Variants in FERMT1 observed in about 807,000 individuals in gnomAD.
The protein encoded by FERMT1 is FERM domain containing kindlin 1, also known as fermitin family homolog 1.
A neutral mutation model predicts 85.3 loss-of-function variants in FERMT1; 60 were observed. The observed-to-expected ratio is 0.70, with a 90% CI of 0.57 to 0.87. FERMT1 has a LOEUF of 0.87. Ranked by LOEUF, FERMT1 falls within the 40% of genes least tolerant of loss-of-function variation. The pLI, the probability that FERMT1 is intolerant of heterozygous loss-of-function variation, is 0.00. For synonymous variants in FERMT1, 275 were observed against 301.1 expected (o/e 0.91, Z 0.90); for missense variants, 701 against 818.9 (o/e 0.86, Z 1.76).
chr20:6,090,934 C>T lies in FERMT1; in HGVS notation c.1140-1845G>A, dbSNP rs529523097. The stretch of plus-strand genomic sequence containing the variant: ...ATCCCAGCACTTTGGGAGGCCGAGG[C>T]AGGCTGATCACTTGAGCTCAGGAGT... On this transcript the variant is annotated intron_variant, in intron 9 of 14. Coordinates refer to ENST00000217289, the MANE Select transcript of FERMT1 (RefSeq NM_017671.5). Among the ~76,000 whole-genome samples the T allele has an allele frequency of 1.9e-4, 29 of 152,002 alleles. No homozygotes were observed. The East Asian group carries it at 5.3e-3, about 28-fold the overall frequency.
chr20:6,115,852 G>A lies in FERMT1; in HGVS notation c.344C>T (p.Ala115Val). 6.2e-7 allele frequency: 1 copy of A among 1,614,152 alleles called. No individual in the cohort carries two copies. Among genetic ancestry groups the A allele is most frequent in the Non-Finnish European group, 8.5e-7 (1 of 1,180,038 alleles). ...ATCACTGACAGCTTTAAAAACCACA[G>A]CTGAGAAGCTGACTCGCAACCTCAC... ...KMVRLRVSFS[A>V]VVFKAVSDIC... The change falls in exon 3 of 15, where the codon GCT becomes GTT. Residue 115 changes from alanine to valine, a missense_variant. Ala to Val is a moderately conservative substitution (Grantham distance 64). Coordinates refer to ENST00000217289, the MANE Select transcript of FERMT1 (RefSeq NM_017671.5).
intron 4 of FERMT1, 65 bp downstream of exon 4, chr20:6,112,412 A>G: frequency 6.7e-7 from 1 of 1,483,372 alleles, no homozygotes; most frequent in African/African-American, 1.4e-5. Context: ...GTGGGAGGAG[A>G]GATATATTTC....
intron 6 of FERMT1, among the ~76,000 whole-genome samples, 169 bp from the exon 7 acceptor site, chr20:6,097,800 A>T (rs201045942): frequency 2.7e-5 from 4 of 148,730 alleles, no homozygotes; most frequent in African/African-American, 7.4e-5. Context: ...CTTTTTTTTT[A>T]AAGTTTTTTT....
At position 6,104,656 on chromosome 20, in the gene FERMT1, A is replaced by G. The variant is rs1982751629; in HGVS notation, c.849+2876T>C. Among the ~76,000 whole-genome samples, 1 of 152,186 alleles carries G rather than the reference A, an allele frequency of 6.6e-6. No homozygotes were observed. The highest frequency in any genetic ancestry group is 2.4e-5 in the African/African-American group (1 of 41,446). ...CGGTTTCACTTTTTAGGCTATGAAG[A>G]GGGAGCTCCTCACCAATTAAGCGGG... On this transcript the variant is annotated intron_variant, in intron 6 of 14. Coordinates refer to ENST00000217289, the MANE Select transcript of FERMT1 (RefSeq NM_017671.5). The surrounding 1 kb of genome is among the most constrained non-coding windows in gnomAD (Gnocchi z 4.2).
In FERMT1 at chr20:6,075,387, A is replaced by C. The variant is rs1347376918; in HGVS notation, c.*1786T>G. 0.027 allele frequency: 5 copies of C among 186 alleles called. No individual in the cohort carries two copies. The allele number at this position is 186 out of a possible 1,614,324, so 0.0% of individuals were successfully genotyped here. On this transcript the variant is annotated 3_prime_UTR_variant, in exon 15 of 15. Coordinates refer to ENST00000217289, the MANE Select transcript of FERMT1 (RefSeq NM_017671.5). ...GAAATAGGACTGAGAAATGACCAACATCAAGTATATACGGTACACTTAGCA... is the reference window on the plus strand; with the variant it reads ...GAAATAGGACTGAGAAATGACCAACCTCAAGTATATACGGTACACTTAGCA...
chr20:6,120,930 TTAA>T (rs1047297646), intron 1 of FERMT1, among the ~76,000 whole-genome samples: 36 of 152,330 alleles, frequency 2.4e-4, no homozygotes, highest in Admixed American at 2.1e-3. Flanking sequence ...AACATTACTT[TTAA>T]TAATAATTAA....
At position 6,079,538 on chromosome 20, in the gene FERMT1, T is replaced by C. The variant is rs765828374; in HGVS notation, c.1758A>G (p.Ser586=). 3 of 1,614,056 alleles carry C rather than the reference T, an allele frequency of 1.9e-6. No homozygotes were observed. In the East Asian group the frequency reaches 6.7e-5, roughly 36 times the overall value. ...CATCAATTTTAATCAACCTGTTATA[T>C]GAAACTCCCAGAATGTCATCTTTTT... The part of the protein sequence containing the change: ...GSKKDDILGV[S]YNRLIKIDAA... The change falls in exon 14 of 15, where the codon TCA becomes TCG. Residue 586 remains serine, a synonymous_variant. Coordinates refer to ENST00000217289, the MANE Select transcript of FERMT1 (RefSeq NM_017671.5).
At position 6,097,607 on chromosome 20, in the gene FERMT1, G is replaced by A. The variant is rs1282095837; in HGVS notation, c.874C>T (p.Leu292Phe). The A allele has an allele frequency of 6.2e-7, 1 of 1,613,784 alleles. No individual in the cohort carries two copies. Among genetic ancestry groups the A allele is most frequent in the Non-Finnish European group, 8.5e-7 (1 of 1,179,778 alleles). ...PKYDAVRINQ[L>F]YEQARWAILL... ...ATGGCCCACCTGGCTTGCTCATAGA[G>A]TTGGTTTATTCGGACAGCATCATAC... Residue 292 changes from leucine (L) to phenylalanine (F), a missense_variant, in exon 7 of 15, where the codon CTC (leucine) becomes TTC (phenylalanine). Leu to Phe is a conservative substitution (Grantham distance 22, BLOSUM62 0). Coordinates refer to ENST00000217289, the MANE Select transcript of FERMT1 (RefSeq NM_017671.5).
Position 6,097,629 on chromosome 20 carries a change from A to G in FERMT1, c.852T>C (p.Tyr284=), listed in dbSNP as rs1982546087. The change falls in exon 7 of 15, where the codon TAT becomes TAC. Residue 284 remains tyrosine (Y), a splice_region_variant and synonymous_variant. Transcript: ENST00000217289. Reference sequence around the variant, plus strand: ...AGAGTTGGTTTATTCGGACAGCATCATACTAGAGACAAAAACAGAGGTGTG... The same window carrying G: ...AGAGTTGGTTTATTCGGACAGCATCGTACTAGAGACAAAAACAGAGGTGTG... The part of the protein sequence containing the change: ...YYSFFDLNPK[Y]DAVRINQLYE... 1 of 1,607,818 alleles carries G rather than the reference A, an allele frequency of 6.2e-7. No homozygotes were observed.
chr20:6,113,181 C>A (rs985703236), intron 3 of FERMT1, among the ~76,000 whole-genome samples: 5 of 152,182 alleles, frequency 3.3e-5, no homozygotes, highest in African/African-American at 1.2e-4. Flanking sequence ...TTTCCCCGCA[C>A]AAGCTCTCTC....
At chr20:6,120,825 A>C (rs987170696) in intron 1 of FERMT1, among the ~76,000 whole-genome samples, 2 of 152,202 alleles carry the variant, frequency 1.3e-5, no homozygotes, top group African/African-American at 4.8e-5. Flanking sequence ...ATTTCTTAAC[A>C]GGCTCCAGAT....
chr20:6,090,325 G>A (rs575905792), intron 9 of FERMT1, among the ~76,000 whole-genome samples: 36 of 151,962 alleles, frequency 2.4e-4, no homozygotes, highest in Non-Finnish European at 4.4e-4. Flanking sequence ...TGCCCGCCTC[G>A]GCCTCCCAAA....
rs1983141625 is a variant in FERMT1 at position 6,117,678 on chromosome 20, C to T, written c.152-1634G>A. ...CGAACTCCTGACCTCGTGATCCACC[C>T]ACCTCAGCCTTCCAAAGTGCTGGGA... On this transcript the variant is annotated intron_variant, in intron 2 of 14. Coordinates refer to ENST00000217289, the MANE Select transcript of FERMT1 (RefSeq NM_017671.5). 2.0e-5 allele frequency among the ~76,000 whole-genome samples: 3 copies of T among 152,114 alleles called. No homozygotes were observed. The South Asian group carries it at 6.2e-4, about 32-fold the overall frequency.
chr20:6,108,168 G>A (rs1051659166), intron 5 of FERMT1, among the ~76,000 whole-genome samples: 2 of 152,104 alleles, frequency 1.3e-5, no homozygotes. Flanking sequence ...GCACGGCCTC[G>A]CTGAAGCATT....
Position 6,097,521 on chromosome 20 carries a change from T to C in FERMT1, c.957+3A>G, listed in dbSNP as rs372515335. 1 of 1,604,956 alleles carries C rather than the reference T, an allele frequency of 6.2e-7. No individual in the cohort carries two copies. The highest frequency in any genetic ancestry group is 8.5e-7 in the Non-Finnish European group (1 of 1,171,742). On this transcript the variant is annotated splice_donor_region_variant and intron_variant, in intron 7 of 14. Coordinates refer to ENST00000217289, the MANE Select transcript of FERMT1 (RefSeq NM_017671.5). ...CAGAGAAAAGGTACTGAAGTTCCCA[T>C]ACCTGTAGAGCTGCAAAGATCAACA...
Position 6,084,110 on chromosome 20 carries a change from C to T in FERMT1, c.1648G>A (p.Glu550Lys), listed in dbSNP as rs755090824. 31 of 1,613,670 alleles carry T rather than the reference C, an allele frequency of 1.9e-5. No individual in the cohort carries two copies. Among genetic ancestry groups the T allele is most frequent in the East Asian group, 8.9e-5 (4 of 44,886 alleles). ...GCCTGGATGAACCGCAGCTTGGCTT[C>T]GACCAGGGGCATCTGGGCCACGTTC... ...HQNVAQMPLV[E>K]AKLRFIQAWQ... Residue 550 changes from glutamate (E) to lysine (K), a missense_variant, in exon 13 of 15, where the codon GAA becomes AAA. Coordinates refer to ENST00000217289, the MANE Select transcript of FERMT1 (RefSeq NM_017671.5).
Position 6,115,836 on chromosome 20 carries a change from A to C in FERMT1, c.360T>G (p.Ala120=). ...RVSFSAVVFK[A]VSDICKILNI... Reference sequence around the variant, plus strand: ...TCAGGATTTTGCAGATATCACTGACAGCTTTAAAAACCACAGCTGAGAAGC... The same window carrying C: ...TCAGGATTTTGCAGATATCACTGACCGCTTTAAAAACCACAGCTGAGAAGC... Residue 120 remains alanine, a synonymous_variant, in exon 3 of 15, where the codon GCT becomes GCG. Coordinates refer to ENST00000217289, the MANE Select transcript of FERMT1 (RefSeq NM_017671.5). The C allele has an allele frequency of 1.2e-6, 2 of 1,614,148 alleles. No individual in the cohort carries two copies. Among genetic ancestry groups the C allele is most frequent in the Non-Finnish European group, 1.7e-6 (2 of 1,179,994 alleles).
chr20:6,090,972 T>C (rs1982339523), intron 9 of FERMT1, among the ~76,000 whole-genome samples: 1 of 151,866 alleles, frequency 6.6e-6, no homozygotes, highest in South Asian at 2.1e-4. Flanking sequence ...GAGACCAGTC[T>C]GGCCAACATG....
In FERMT1 at chr20:6,079,048, A is replaced by C. The variant is rs575924689; in HGVS notation, c.1860+388T>G. 2.0e-5 allele frequency among the ~76,000 whole-genome samples: 3 copies of C among 152,366 alleles called. No individual in the cohort carries two copies. In the South Asian group the frequency reaches 6.2e-4, roughly 32 times the overall value. Reference sequence around the variant, plus strand: ...CCATCGGGTTTCTTGGCAGCCAGTCAGATGAGGCTTTTTTTGGATTTATTT... The same window carrying C: ...CCATCGGGTTTCTTGGCAGCCAGTCCGATGAGGCTTTTTTTGGATTTATTT... On this transcript the variant is annotated intron_variant, in intron 14 of 14. Coordinates refer to ENST00000217289, the MANE Select transcript of FERMT1 (RefSeq NM_017671.5).
Sources: allele counts gnomAD v4.1 joint callset (sites outside exome capture counted in the v4.1 genomes callset), GRCh38; gene constraint gnomAD v4.1.1; non-coding constraint Gnocchi (gnomAD v3.1); transcripts MANE v1.5; gene names NCBI Gene and HGNC (gene_info 2026-07-23, HGNC 2026-07-21).